The following IFNG-AS1 variants were observed in gnomAD, a reference collection of about 807,000 sequenced individuals.
The protein encoded by IFNG-AS1 is IFNG antisense RNA 1 (non-protein coding).
intron 3 of IFNG-AS1, among the ~76,000 whole-genome samples, chr12:68,006,727 T>A (rs1242713992): frequency 1.3e-5 from 2 of 152,332 alleles, no homozygotes; most frequent in East Asian, 3.9e-4. Flanking sequence ...AGAAAGAGAT[T>A]CTCCTGCTGG....
intron 2 of IFNG-AS1, among the ~76,000 whole-genome samples, chr12:68,000,662 G>C (rs1216384937): frequency 1.3e-5 from 2 of 151,894 alleles, no homozygotes; most frequent in Admixed American, 6.6e-5. Context: ...ACGGAACAAG[G>C]CCTTGTCTCT....
intron 3 of IFNG-AS1, among the ~76,000 whole-genome samples, chr12:68,018,242 C>G (rs1880201526): frequency 6.6e-6 from 1 of 152,042 alleles, no homozygotes; most frequent in Admixed American, 6.6e-5. Flanking sequence ...AGACTTAGAA[C>G]TTTTGGAGGT....
At chr12:68,016,561 A>G (rs1242084306) in intron 3 of IFNG-AS1, among the ~76,000 whole-genome samples, 2 of 152,150 alleles carry the variant, frequency 1.3e-5, no homozygotes, top group African/African-American at 4.8e-5. Context: ...ATTACAGAAC[A>G]TCCTTCATAT....
rs1253136594 is a variant in IFNG-AS1, at chr12:68,011,032, G to T, written n.241+4886G>T. Reference sequence around the variant, plus strand: ...GGTAGGTTTTTAGATGAGAAAACAGGCCAGAAAAGGTTTTGTAAATGGATC... The same window carrying T: ...GGTAGGTTTTTAGATGAGAAAACAGTCCAGAAAAGGTTTTGTAAATGGATC... On this transcript the variant is annotated intron_variant and non_coding_transcript_variant, in intron 3 of 5. Transcript: ENST00000536914. Among the ~76,000 whole-genome samples the T allele has an allele frequency of 7.2e-5, 11 of 152,142 alleles. No homozygotes were observed. The East Asian group carries it at 2.1e-3, about 29-fold the overall frequency.
At chr12:68,008,898 G>A (rs946180669) in intron 3 of IFNG-AS1, among the ~76,000 whole-genome samples, 2 of 152,340 alleles carry the variant, frequency 1.3e-5, no homozygotes, top group East Asian at 3.9e-4. Context: ...ATAAGAAGAG[G>A]CAGTAGATTT....
At chr12:68,002,313 G>T (rs1408913104) in intron 2 of IFNG-AS1, among the ~76,000 whole-genome samples, 1 of 152,206 alleles carries the variant, frequency 6.6e-6, no homozygotes, top group Non-Finnish European at 1.5e-5. Flanking sequence ...CTGCCCTGGA[G>T]AACTCGAAAT....
At chr12:68,015,089 G>A (rs1346419558) in intron 3 of IFNG-AS1, among the ~76,000 whole-genome samples, 1 of 152,114 alleles carries the variant, frequency 6.6e-6, no homozygotes, top group Non-Finnish European at 1.5e-5. Context: ...CCAGGGCAGA[G>A]AAAAAGCACC....
At chr12:68,014,419 T>A (rs1592829224) in intron 3 of IFNG-AS1, among the ~76,000 whole-genome samples, 1 of 152,356 alleles carries the variant, frequency 6.6e-6, no homozygotes, top group East Asian at 1.9e-4. Flanking sequence ...GTGGAAGTGT[T>A]CCCTGATCAC....
At chr12:68,012,394 A>G (rs1471840557) in intron 3 of IFNG-AS1, among the ~76,000 whole-genome samples, 1 of 152,212 alleles carries the variant, frequency 6.6e-6, no homozygotes, top group Non-Finnish European at 1.5e-5. Context: ...TGGTCAGGAA[A>G]GGAAACAAGG....
chr12:68,018,198 G>GTTAT (rs1450600111), intron 3 of IFNG-AS1, among the ~76,000 whole-genome samples: 3 of 152,020 alleles, frequency 2.0e-5, no homozygotes, highest in Admixed American at 2.0e-4. Context: ...ATGGGTTAGA[G>GTTAT]TTATTTATTT....
chr12:67,992,590 T>C (rs565565881), intron 1 of IFNG-AS1, among the ~76,000 whole-genome samples: 2 of 152,362 alleles, frequency 1.3e-5, no homozygotes, highest in South Asian at 4.1e-4. Flanking sequence ...TTGATAGGTA[T>C]ACTATTTTAA....
intron 3 of IFNG-AS1, among the ~76,000 whole-genome samples, chr12:68,015,123 AC>A (rs1475487350): frequency 6.6e-6 from 1 of 152,140 alleles, no homozygotes; most frequent in African/African-American, 2.4e-5. Flanking sequence ...AGAGCTCAAA[AC>A]ACCAATCAAA....
chr12:67,990,270 TC>T (rs761593158), intron 1 of IFNG-AS1, among the ~76,000 whole-genome samples: 15 of 152,248 alleles, frequency 9.9e-5, no homozygotes, highest in Non-Finnish European at 1.5e-4. Context: ...TTCTTAATGT[TC>T]TTTTTTTCTG....
chr12:68,003,707 G>T (rs964822853), intron 2 of IFNG-AS1, among the ~76,000 whole-genome samples: 2 of 152,140 alleles, frequency 1.3e-5, no homozygotes, highest in Non-Finnish European at 2.9e-5. Flanking sequence ...GAGGTCAGGA[G>T]ATCGAGACCA....
At chr12:68,021,271 G>A (rs1880283658) in intron 4 of IFNG-AS1, 1 of 152,056 alleles carries the variant, frequency 6.6e-6, no homozygotes, top group Admixed American at 6.6e-5. Context: ...GCCTTATATG[G>A]TATATAAAGA....
intron 3 of IFNG-AS1, among the ~76,000 whole-genome samples, chr12:68,015,374 G>C (rs1880127002): frequency 6.6e-6 from 1 of 152,156 alleles, no homozygotes; most frequent in African/African-American, 2.4e-5. Context: ...GGTTTGGAAG[G>C]GAAGGGCCGA....
chr12:67,992,812 T>A (rs146385701), intron 1 of IFNG-AS1, among the ~76,000 whole-genome samples: 3,096 of 152,300 alleles, frequency 0.02, 38 homozygotes, highest in Non-Finnish European at 0.031. Flanking sequence ...ACAGTAACAA[T>A]GAAAGGTAAA....
chr12:68,015,025 T>A (rs966677255), intron 3 of IFNG-AS1, among the ~76,000 whole-genome samples: 3 of 152,034 alleles, frequency 2.0e-5, no homozygotes, highest in Non-Finnish European at 2.9e-5. Flanking sequence ...ATATAAAACA[T>A]GTCAGAACAA....
At chr12:68,011,788 G>A (rs902541831) in intron 3 of IFNG-AS1, among the ~76,000 whole-genome samples, 1 of 152,126 alleles carries the variant, frequency 6.6e-6, no homozygotes, top group African/African-American at 2.4e-5. Flanking sequence ...GCCTCACCGA[G>A]GCAGCCCAAC....
Sources: allele counts gnomAD v4.1 joint callset (sites outside exome capture counted in the v4.1 genomes callset), GRCh38; gene constraint gnomAD v4.1.1; transcripts MANE v1.5; gene names NCBI Gene and HGNC (gene_info 2026-07-23, HGNC 2026-07-21).